Variants in DDI2 observed in about 807,000 individuals in gnomAD.
DDI2 encodes DDI proteasomal shuttling factor 2.
DDI2 carries 5 observed loss-of-function variants against 48.1 expected under a neutral mutation model. The observed-to-expected ratio is 0.10, with a 90% confidence interval of 0.05 to 0.22. The LOEUF is 0.22. Ranked by LOEUF, DDI2 falls within the 10% of genes least tolerant of loss-of-function variation. DDI2 has a pLI of 1.00. For missense variants in DDI2, 285 were observed against 506.2 expected (o/e 0.56, Z 4.19); for synonymous variants, 205 against 183.6 (o/e 1.12, Z -0.94).
intron 8 of DDI2, among the ~76,000 whole-genome samples, chr1:15,653,230 A>G (rs1408418518): frequency 6.6e-6 from 1 of 151,730 alleles, no homozygotes; most frequent in African/African-American, 2.4e-5. Context: ...GTATTTCCCT[A>G]TTTCTTTCCT....
chr1:15,624,916 A>G (rs1291983136), intron 1 of DDI2, among the ~76,000 whole-genome samples: 1 of 152,178 alleles, frequency 6.6e-6, no homozygotes, highest in Non-Finnish European at 1.5e-5. Flanking sequence ...GTTTTAACTC[A>G]GCGAGTTGAG....
intron 2 of DDI2, among the ~76,000 whole-genome samples, chr1:15,627,995 C>T (rs1639784070): frequency 2.0e-5 from 3 of 151,872 alleles, no homozygotes; most frequent in Non-Finnish European, 2.9e-5. Context: ...ACAACTATGA[C>T]AATCAGTAAA....
At chr1:15,631,734 A>G (rs965148163) in intron 3 of DDI2, among the ~76,000 whole-genome samples, 7 of 151,884 alleles carry the variant, frequency 4.6e-5, no homozygotes, top group Non-Finnish European at 8.8e-5. Flanking sequence ...TGATAATCTT[A>G]TGGTTTAGTT....
At chr1:15,656,913 C>A in intron 9 of DDI2, 1 of 449,162 alleles carries the variant, frequency 2.2e-6, no homozygotes, top group Admixed American at 4.0e-5. Context: ...GAGAAAATCC[C>A]AGTTAAAACA....
At chr1:15,651,314 A>G (rs1173154783) in intron 7 of DDI2, among the ~76,000 whole-genome samples, 1 of 152,246 alleles carries the variant, frequency 6.6e-6, no homozygotes, top group Non-Finnish European at 1.5e-5. Context: ...TAGTTATAAA[A>G]TACACAAAAA....
rs575441329 is a variant in DDI2, at chr1:15,660,871, T to C, written c.*1081T>C. The C allele has an allele frequency of 6.1e-5, 99 of 1,614,172 alleles. 1 individual carries two copies. The South Asian group carries it at 1.0e-3, about 16-fold the overall frequency. On this transcript the variant is annotated 3_prime_UTR_variant, in exon 10 of 10. Transcript: ENST00000480945. ...TGGCCATTACTCCTCTCCAAGTCTCTGTGGCAGTTGTCAGCCTTCTGTGGA... is the reference window on the plus strand; with the variant it reads ...TGGCCATTACTCCTCTCCAAGTCTCCGTGGCAGTTGTCAGCCTTCTGTGGA...
intron 4 of DDI2, chr1:15,633,875 A>T (rs939471572): frequency 2.2e-6 from 1 of 455,924 alleles, no homozygotes; most frequent in Non-Finnish European, 4.4e-6. Context: ...AGAAGCCACC[A>T]TCTGGTGAGA....
At chr1:15,624,057 T>A (rs59991988) in intron 1 of DDI2, among the ~76,000 whole-genome samples, 48,864 of 151,856 alleles carry the variant, frequency 0.32, 8,760 homozygotes, top group African/African-American at 0.46. Context: ...CGTCTCAAAA[T>A]AAATAAATAA....
chr1:15,626,977 T>C (rs1639764278), intron 2 of DDI2, 179 bp downstream of exon 2: 2 of 775,472 alleles, frequency 2.6e-6, no homozygotes, highest in Non-Finnish European at 4.0e-6. Flanking sequence ...TGGTTTCCTC[T>C]TCTATAAGTT....
At chr1:15,621,245 A>G in intron 1 of DDI2, among the ~76,000 whole-genome samples, 1 of 152,192 alleles carries the variant, frequency 6.6e-6, no homozygotes, top group East Asian at 1.9e-4. Context: ...TTTTTGAGAC[A>G]TGATAATTTA....
At chr1:15,650,837 C>T (rs777709626) in intron 7 of DDI2, among the ~76,000 whole-genome samples, 19 of 152,034 alleles carry the variant, frequency 1.2e-4, no homozygotes, top group Non-Finnish European at 2.2e-4. Context: ...GATAATAAGA[C>T]ACAGCATTCT....
intron 1 of DDI2, among the ~76,000 whole-genome samples, chr1:15,619,152 G>T (rs2103458176): frequency 6.6e-6 from 1 of 151,834 alleles, no homozygotes; most frequent in Middle Eastern, 3.4e-3. Flanking sequence ...ACGGAGTCTT[G>T]CTCTGTCGCC....
chr1:15,630,642 C>G (rs528246343), intron 3 of DDI2, 81 bp downstream of exon 3: 2 of 936,942 alleles, frequency 2.1e-6, no homozygotes, highest in African/African-American at 1.6e-5. Context: ...GAGACTCAAG[C>G]GACACTGTGT....
intron 1 of DDI2, among the ~76,000 whole-genome samples, chr1:15,625,006 G>A (rs1441581221): frequency 1.3e-5 from 2 of 152,058 alleles, no homozygotes; most frequent in Non-Finnish European, 2.9e-5. Context: ...CTCATATTCA[G>A]AAGAATTTGA....
chr1:15,640,808 G>A (rs1256685115), intron 5 of DDI2, among the ~76,000 whole-genome samples: 1 of 152,148 alleles, frequency 6.6e-6, no homozygotes, highest in Non-Finnish European at 1.5e-5. Context: ...CTTATAAAGT[G>A]TAGGGTACCT....
chr1:15,643,717 C>T, intron 6 of DDI2, 67 bp downstream of exon 6: 1 of 1,565,388 alleles, frequency 6.4e-7, no homozygotes, highest in Non-Finnish European at 8.6e-7. Flanking sequence ...AGTCGATTTT[C>T]AAGTTTTTAG....
chr1:15,627,395 G>A lies in DDI2; in HGVS notation c.268+597G>A, dbSNP rs550954200. ...ATGCTTTTTCCATTATGCTGAACTT[G>A]ATAAACATTAAGCAGCTTGACCACC... On this transcript the variant is annotated intron_variant, in intron 2 of 9. Coordinates refer to ENST00000480945, the MANE Select transcript of DDI2 (RefSeq NM_032341.5). 5.9e-5 allele frequency among the ~76,000 whole-genome samples: 9 copies of A among 152,316 alleles called. No individual in the cohort carries two copies. In the South Asian group the frequency reaches 8.3e-4, roughly 14 times the overall value.
intron 2 of DDI2, among the ~76,000 whole-genome samples, chr1:15,627,812 G>A (rs1639782118): frequency 6.6e-6 from 1 of 152,202 alleles, no homozygotes; most frequent in African/African-American, 2.4e-5. Context: ...TCTGGGTGAT[G>A]ACAGACTGAC....
chr1:15,641,508 G>C (rs6670465), intron 5 of DDI2, among the ~76,000 whole-genome samples: 2,851 of 151,744 alleles, frequency 0.019, 85 homozygotes, highest in African/African-American at 0.066. Flanking sequence ...GAAAACTAAA[G>C]GTAGACACAG....
Sources: allele counts gnomAD v4.1 joint callset (sites outside exome capture counted in the v4.1 genomes callset), GRCh38; gene constraint gnomAD v4.1.1; transcripts MANE v1.5; gene names NCBI Gene and HGNC (gene_info 2026-07-23, HGNC 2026-07-21).